The following LSM12 variants were observed in gnomAD, a reference collection of about 807,000 sequenced individuals.
The protein encoded by LSM12 is LSM12 homolog, also known as protein LSM12.
For missense variants in LSM12, 108 were observed against 238.9 expected, an observed-to-expected ratio of 0.45 and a Z score of 3.61; for synonymous variants, 74 against 87.3, an observed-to-expected ratio of 0.85 and a Z score of 0.85.
rs2144057508 is a variant in LSM12, at chr17:44,034,353, T to A, written c.*1855A>T. On this transcript the variant is annotated 3_prime_UTR_variant, in exon 5 of 5. Transcript: ENST00000293406. ...GCAGGTGGATCTGAAAGTTTACTTC[T>A]CAGCTCGCCGACCATTTGTGCCTCC... Among the ~76,000 whole-genome samples, 1 of 152,280 alleles carries A rather than the reference T, an allele frequency of 6.6e-6. No homozygotes were observed. Among genetic ancestry groups the A allele is most frequent in the African/African-American group, 2.4e-5 (1 of 41,530 alleles).
At position 44,037,387 on chromosome 17, in the gene LSM12, A is replaced by G. The variant is rs771236464; in HGVS notation, c.495+25T>C. 22 of 1,565,234 alleles carry G rather than the reference A, an allele frequency of 1.4e-5. 1 individual carries two copies. Among genetic ancestry groups the G allele is most frequent in the Middle Eastern group, 2.3e-4 (1 of 4,398 alleles). On this transcript the variant is annotated intron_variant, in intron 4 of 4. Coordinates refer to ENST00000293406, the MANE Select transcript of LSM12 (RefSeq NM_001371445.1). ...CCTGAGGAACCATCCTCTCTCCCCTAAAGTCTGAAGGCTCCTTTACTTACT... is the reference window on the plus strand; with the variant it reads ...CCTGAGGAACCATCCTCTCTCCCCTGAAGTCTGAAGGCTCCTTTACTTACT...
intron 2 of LSM12, among the ~76,000 whole-genome samples, chr17:44,045,537 G>C (rs564484720): frequency 6.6e-6 from 1 of 152,108 alleles, no homozygotes; most frequent in East Asian, 1.9e-4. Flanking sequence ...ACTAGTTGAT[G>C]GACAGTTGAT....
intron 2 of LSM12, among the ~76,000 whole-genome samples, chr17:44,041,924 A>G (rs1255867857): frequency 1.3e-5 from 2 of 152,260 alleles, no homozygotes; most frequent in Non-Finnish European, 2.9e-5. Flanking sequence ...GAGTCTAACA[A>G]TGCTGCAGCA....
chr17:44,043,695 G>A (rs952412275), intron 2 of LSM12, among the ~76,000 whole-genome samples: 1 of 151,752 alleles, frequency 6.6e-6, no homozygotes, highest in Non-Finnish European at 1.5e-5. Context: ...GTCGGCCAGC[G>A]CTGTGGCTCA....
chr17:44,036,369 C>T, intron 4 of LSM12, 69 bp from the exon 5 acceptor site: 1 of 1,599,366 alleles, frequency 6.3e-7, no homozygotes, highest in Non-Finnish European at 8.6e-7. Flanking sequence ...ACAATCCAAC[C>T]CAGGTTTCCA....
intron 2 of LSM12, among the ~76,000 whole-genome samples, chr17:44,042,527 G>A (rs2049507947): frequency 6.7e-6 from 1 of 149,438 alleles, no homozygotes; most frequent in Admixed American, 6.7e-5. Flanking sequence ...AGCCTCCAGA[G>A]TAGCTGGGAT....
intron 1 of LSM12, among the ~76,000 whole-genome samples, chr17:44,065,609 C>T (rs1420248335): frequency 1.3e-5 from 2 of 152,096 alleles, no homozygotes; most frequent in Non-Finnish European, 2.9e-5. Flanking sequence ...AAGTCACTTC[C>T]ACCCCAAAGA....
chr17:44,037,195 C>T, intron 4 of LSM12: 1 of 447,638 alleles, frequency 2.2e-6, no homozygotes, highest in Non-Finnish European at 3.9e-6. Context: ...CAGCAAAGGA[C>T]ATAGGGTCAC....
intron 4 of LSM12, chr17:44,037,052 TGAG>T (rs2043752368): frequency 6.3e-6 from 1 of 158,640 alleles, no homozygotes; most frequent in Admixed American, 6.5e-5. Flanking sequence ...TGCAGTGAGC[TGAG>T]ATCGCGCCAC....
chr17:44,059,447 G>A (rs1054773352), intron 2 of LSM12, among the ~76,000 whole-genome samples: 13 of 152,016 alleles, frequency 8.6e-5, no homozygotes, highest in East Asian at 7.7e-4. Flanking sequence ...AAATTAGCCG[G>A]GCATGGTGGC....
chr17:44,041,851 A>G (rs2049499179), intron 2 of LSM12, among the ~76,000 whole-genome samples: 1 of 152,210 alleles, frequency 6.6e-6, no homozygotes, highest in African/African-American at 2.4e-5. Context: ...AAAGGCAAAC[A>G]ATGCATCTTA....
intron 4 of LSM12, chr17:44,037,184 C>G (rs1299722823): frequency 2.5e-6 from 1 of 401,390 alleles, no homozygotes; most frequent in East Asian, 3.9e-5. Context: ...TTCCAAAAAG[C>G]CAGCAAAGGA....
intron 2 of LSM12, among the ~76,000 whole-genome samples, chr17:44,043,159 T>C (rs1039916684): frequency 1.3e-5 from 2 of 152,164 alleles, no homozygotes; most frequent in Non-Finnish European, 2.9e-5. Context: ...AAGACTGTCT[T>C]AGGAAGGAGG....
chr17:44,056,244 G>A (rs992149047), intron 2 of LSM12, among the ~76,000 whole-genome samples: 11 of 150,726 alleles, frequency 7.3e-5, no homozygotes, highest in Non-Finnish European at 1.3e-4. Flanking sequence ...GTGGTGAGCC[G>A]AGATCGCGCC....
chr17:44,063,276 T>C (rs1171729784), intron 2 of LSM12, among the ~76,000 whole-genome samples: 1 of 152,140 alleles, frequency 6.6e-6, no homozygotes, highest in African/African-American at 2.4e-5. Flanking sequence ...AGATCAACTT[T>C]TATGTGCAAG....
At position 44,059,872 on chromosome 17, in the gene LSM12, A is replaced by G. The variant is rs1008991654; in HGVS notation, c.258+3929T>C. On this transcript the variant is annotated intron_variant, in intron 2 of 4. Coordinates refer to ENST00000293406, the MANE Select transcript of LSM12 (RefSeq NM_001371445.1). The stretch of plus-strand genomic sequence containing the variant: ...CAATATGTGATGATACCTTTGACTA[A>G]AGTTAGAGTAGGCCGGGTGTGGTGG... Among the ~76,000 whole-genome samples, 3 of 152,260 alleles carry G rather than the reference A, an allele frequency of 2.0e-5. No homozygotes were observed. In the South Asian group the frequency reaches 6.2e-4, roughly 32 times the overall value.
At chr17:44,063,539 TC>T (rs2049827884) in intron 2 of LSM12, among the ~76,000 whole-genome samples, 1 of 152,160 alleles carries the variant, frequency 6.6e-6, no homozygotes. Flanking sequence ...CATCATGAAC[TC>T]CAAGATTTAA....
intron 1 of LSM12, among the ~76,000 whole-genome samples, chr17:44,064,666 G>A (rs2049845866): frequency 6.6e-6 from 1 of 151,446 alleles, no homozygotes; most frequent in South Asian, 2.1e-4. Context: ...ACGGGAGGCG[G>A]AGGTTGCAGT....
chr17:44,063,683 C>CTT, intron 2 of LSM12, 118 bp downstream of exon 2: 1 of 1,187,774 alleles, frequency 8.4e-7, no homozygotes, highest in Non-Finnish European at 1.1e-6. Flanking sequence ...GATATCAGAA[C>CTT]AAACAATTTT....
Sources: gnomAD v4.1 joint callset for allele counts (sites outside exome capture counted in the v4.1 genomes callset) on GRCh38, gnomAD v4.1.1 for gene constraint, MANE v1.5 for transcripts, NCBI Gene and HGNC (gene_info 2026-07-23, HGNC 2026-07-21) for gene names.